Variants in KAZN observed in about 807,000 individuals in gnomAD.
KAZN encodes the protein kazrin.
A neutral mutation model predicts 87.4 loss-of-function variants in KAZN; 40 were observed. The observed-to-expected ratio is 0.46, with a 90% CI of 0.36 to 0.60. The LOEUF is 0.60. KAZN is among the 20% of genes least tolerant of loss of function. KAZN has a pLI of 0.00. For missense variants in KAZN, 898 were observed against 1,073.9 expected (o/e 0.84, Z 2.29); for synonymous variants, 466 against 458.3 (o/e 1.02, Z -0.22).
intron 2 of KAZN, among the ~76,000 whole-genome samples, chr1:14,383,238 G>A (rs1223872862): frequency 2.0e-5 from 3 of 150,812 alleles, no homozygotes; most frequent in African/African-American, 7.3e-5. Context: ...TGAGTAGGTT[G>A]TGAAAATTTT....
intron 1 of KAZN, among the ~76,000 whole-genome samples, chr1:14,895,181 C>T (rs1374238000): frequency 3.3e-5 from 5 of 152,222 alleles, no homozygotes; most frequent in South Asian, 4.1e-4. Context: ...TTTCCCCCAA[C>T]GTGGGGCAAT....
chr1:14,846,163 G>T (rs191724000), intron 1 of KAZN, among the ~76,000 whole-genome samples: 1 of 152,174 alleles, frequency 6.6e-6, no homozygotes, highest in African/African-American at 2.4e-5. Flanking sequence ...GTTCTATAGC[G>T]GCATGTCTTG....
intron 2 of KAZN, among the ~76,000 whole-genome samples, chr1:14,419,827 C>T (rs1159013109): frequency 2.0e-5 from 3 of 152,114 alleles, no homozygotes; most frequent in African/African-American, 4.8e-5. Context: ...TCTCGCTGGT[C>T]TCGGAAGTGA....
intron 2 of KAZN, among the ~76,000 whole-genome samples, chr1:14,266,675 G>A (rs941814052): frequency 2.6e-5 from 4 of 152,158 alleles, no homozygotes; most frequent in East Asian, 1.9e-4. Flanking sequence ...GGGACCAGTC[G>A]TGAATGGGAC....
chr1:14,072,529 C>T (rs1015754691), intron 1 of KAZN, among the ~76,000 whole-genome samples: 4 of 152,162 alleles, frequency 2.6e-5, no homozygotes, highest in South Asian at 2.1e-4. Context: ...TAATACTACT[C>T]GTCTCCTAGG....
At chr1:14,453,887 A>G (rs1203053922) in intron 2 of KAZN, among the ~76,000 whole-genome samples, 2 of 152,130 alleles carry the variant, frequency 1.3e-5, no homozygotes, top group Non-Finnish European at 2.9e-5. Flanking sequence ...AAGAATATAA[A>G]TGGGGGTAGG....
intron 1 of KAZN, among the ~76,000 whole-genome samples, chr1:14,750,128 G>A (rs1362597652): frequency 6.6e-6 from 1 of 152,078 alleles, no homozygotes; most frequent in African/African-American, 2.4e-5. Flanking sequence ...GAGAAGCTGG[G>A]TAACGGGCAC....
chr1:13,982,460 C>A (rs1208233443), intron 1 of KAZN, among the ~76,000 whole-genome samples: 1 of 152,194 alleles, frequency 6.6e-6, no homozygotes, highest in East Asian at 1.9e-4. Context: ...CTCATAAAAG[C>A]AGTGTGGACC....
At chr1:14,463,935 G>A (rs543238096) in intron 2 of KAZN, among the ~76,000 whole-genome samples, 42 of 152,184 alleles carry the variant, frequency 2.8e-4, no homozygotes, top group Non-Finnish European at 4.4e-4. Context: ...TGTTAATTCT[G>A]GGAAGTTTCA....
chr1:14,862,944 T>C lies in KAZN; in HGVS notation c.227-97740T>C, dbSNP rs147458978. The stretch of plus-strand genomic sequence containing the variant: ...GACAAGCGCAATGTTGTACCCATGG[T>C]ACAGATGAGGCAAGAGAAGTTACCC... On this transcript the variant is annotated intron_variant, in intron 1 of 14. Coordinates refer to ENST00000376030, the MANE Select transcript of KAZN (RefSeq NM_201628.3). Among the ~76,000 whole-genome samples the C allele has an allele frequency of 5.7e-4, 87 of 152,344 alleles. 2 individuals are homozygous for C. The South Asian group carries it at 0.015, about 26-fold the overall frequency.
chr1:14,150,987 G>A (rs943387841), intron 1 of KAZN, among the ~76,000 whole-genome samples: 1 of 151,666 alleles, frequency 6.6e-6, no homozygotes, highest in African/African-American at 2.4e-5. Flanking sequence ...CACACGTGTG[G>A]GTGTATATTC....
intron 2 of KAZN, among the ~76,000 whole-genome samples, chr1:15,001,923 C>T (rs12066041): frequency 0.26 from 36,552 of 139,982 alleles, 6,181 homozygotes; most frequent in African/African-American, 0.49. Flanking sequence ...CTCTGTCGCC[C>T]AGGCTGGAGG....
intron 1 of KAZN, among the ~76,000 whole-genome samples, chr1:14,741,722 C>T (rs1644105137): frequency 6.6e-6 from 1 of 152,182 alleles, no homozygotes; most frequent in South Asian, 2.1e-4. Context: ...GGTTCTCACT[C>T]CCCACTCAAG....
At chr1:14,024,940 A>T (rs1290549000) in intron 1 of KAZN, among the ~76,000 whole-genome samples, 1 of 152,218 alleles carries the variant, frequency 6.6e-6, no homozygotes. Context: ...GAATCCAAAG[A>T]GGCAGGAACA....
At chr1:14,274,717 G>A (rs1652212946) in intron 2 of KAZN, among the ~76,000 whole-genome samples, 1 of 152,114 alleles carries the variant, frequency 6.6e-6, no homozygotes, top group African/African-American at 2.4e-5. Flanking sequence ...GTGACGTGGG[G>A]AGCAGGTCAC....
In KAZN at chr1:14,514,387, T is replaced by TATTATATATATTA. The variant is rs1671120794; in HGVS notation, c.250-84596_250-84595insATTATATATATTA. On this transcript the variant is annotated intron_variant, in intron 2 of 16. Transcript: ENST00000636203. ...TATTTATATATATAATATATATATA[T>TATTATATATATTA]TATATATATTTATATATATAATATA... Among the ~76,000 whole-genome samples the TATTATATATATTA allele has an allele frequency of 3.4e-4, 4 of 11,690 alleles. 1 individual carries two copies. The highest frequency in any genetic ancestry group is 2.9e-3 in the South Asian group (1 of 342). 7.7% of individuals were successfully genotyped at this position (11,690 alleles called of 152,430 possible).
At chr1:14,699,461 A>G (rs530588476) in intron 1 of KAZN, among the ~76,000 whole-genome samples, 88 of 152,350 alleles carry the variant, frequency 5.8e-4, no homozygotes, top group Non-Finnish European at 1.0e-3. Context: ...TGGGAATACG[A>G]TGGTGAGTGG....
chr1:13,923,578 A>AT (rs1640152454), intron 1 of KAZN, among the ~76,000 whole-genome samples: 2 of 140,456 alleles, frequency 1.4e-5, no homozygotes, highest in African/African-American at 5.4e-5. Context: ...ATCTCAAAAA[A>AT]AAAAAAAAAA....
chr1:14,655,673 C>T (rs1438695617), intron 1 of KAZN, among the ~76,000 whole-genome samples: 3 of 152,308 alleles, frequency 2.0e-5, no homozygotes, highest in African/African-American at 7.2e-5. Flanking sequence ...TGTGACATGA[C>T]ATTTTGGTGG....
Sources: gnomAD v4.1 joint callset for allele counts (sites outside exome capture counted in the v4.1 genomes callset) on GRCh38, gnomAD v4.1.1 for gene constraint, MANE v1.5 for transcripts, NCBI Gene and HGNC (gene_info 2026-07-23, HGNC 2026-07-21) for gene names.